The following CEPT1 variants were observed in gnomAD, a reference collection of about 807,000 sequenced individuals.
The protein encoded by CEPT1 is choline/ethanolamine phosphotransferase 1.
In CEPT1, 7 loss-of-function variants were observed where a neutral mutation model predicts 42.6. The ratio of observed to expected loss-of-function variants is 0.16; its 90% CI spans 0.09 to 0.31. CEPT1 has a LOEUF of 0.31. Ranked by LOEUF, CEPT1 falls within the 10% of genes least tolerant of loss-of-function variation. The probability of loss-of-function intolerance (pLI) is 1.00; values close to 1 mark genes in which losing one functional copy is unlikely to be tolerated. For missense variants in CEPT1, 306 were observed against 502.1 expected (o/e 0.61, Z 3.73); for synonymous variants, 171 against 171.9 (o/e 0.99, Z 0.04).
chr1:111,163,797 G>A (rs1269038319), intron 4 of CEPT1, among the ~76,000 whole-genome samples: 1 of 152,118 alleles, frequency 6.6e-6, no homozygotes, highest in Admixed American at 6.5e-5. Context: ...AATTTATTTT[G>A]CTTAATAAGG....
chr1:111,144,989 T>C (rs1353066192), intron 1 of CEPT1, among the ~76,000 whole-genome samples: 1 of 152,178 alleles, frequency 6.6e-6, no homozygotes, highest in Non-Finnish European at 1.5e-5. Flanking sequence ...AGAAATTAGC[T>C]TTGATTTCTC....
chr1:111,159,831 G>A (rs1655777824), intron 3 of CEPT1: 1 of 198,746 alleles, frequency 5.0e-6, no homozygotes, highest in South Asian at 9.9e-5. Context: ...ACAGTGGTGG[G>A]AGACTAGTTA....
intron 2 of CEPT1, among the ~76,000 whole-genome samples, chr1:111,157,349 A>G (rs1188551825): frequency 2.0e-5 from 3 of 152,268 alleles, no homozygotes; most frequent in Non-Finnish European, 2.9e-5. Flanking sequence ...GGTATTCAGC[A>G]GAATTTTCTA....
Position 111,144,682 on chromosome 1 carries a change from C to A in CEPT1, c.-73-2960C>A, listed in dbSNP as rs528590619. ...GCTAGCACTCATCTTTTTTTCTTTA[C>A]AGTAAGAGAATAGAATACTGCAACA... On this transcript the variant is annotated intron_variant, in intron 1 of 8. Transcript: ENST00000357172. Among the ~76,000 whole-genome samples, 21 of 152,198 alleles carry A rather than the reference C, an allele frequency of 1.4e-4. No homozygotes were observed. The South Asian group carries it at 4.4e-3, about 32-fold the overall frequency.
chr1:111,149,280 T>TTTTTTTTTTTTTTTTTTA (rs1246054998), intron 2 of CEPT1, among the ~76,000 whole-genome samples: 1 of 151,412 alleles, frequency 6.6e-6, no homozygotes, highest in African/African-American at 2.4e-5. Context: ...TTTTTTTTTT[T>TTTTTTTTTTTTTTTTTTA]GAGACAGGGT....
At chr1:111,164,147 A>G (rs1656014059) in intron 4 of CEPT1, among the ~76,000 whole-genome samples, 1 of 152,232 alleles carries the variant, frequency 6.6e-6, no homozygotes, top group Admixed American at 6.5e-5. Flanking sequence ...TTGAACAAAA[A>G]TAGTCACAGG....
At position 111,184,847 on chromosome 1, in the gene CEPT1, CTTTTTTTTT is replaced by C. The variant is rs34173256; in HGVS notation, c.*551_*559del. On this transcript the variant is annotated 3_prime_UTR_variant, in exon 9 of 9. Coordinates refer to ENST00000357172, the MANE Select transcript of CEPT1 (RefSeq NM_006090.5). ...CTATCTTTACATTGTTGAGGAAGTC[CTTTTTTTTT>C]TTTTTTTTTTTTTAATTGCTCAAGA... The C allele has an allele frequency of 8.6e-6, 1 of 116,500 alleles. No individual in the cohort carries two copies. Among genetic ancestry groups the C allele is most frequent in the Non-Finnish European group, 1.8e-5 (1 of 56,430 alleles). The allele number at this position is 116,500 out of a possible 1,614,324, so 7.2% of individuals were successfully genotyped here.
chr1:111,182,103 T>C, intron 5 of CEPT1, 84 bp from the exon 6 acceptor site: 3 of 1,106,348 alleles, frequency 2.7e-6, no homozygotes, highest in Non-Finnish European at 3.8e-6. Flanking sequence ...TGGAAAGTTT[T>C]TGGGAATATG....
At chr1:111,183,183 C>T (rs148455686) in intron 7 of CEPT1, among the ~76,000 whole-genome samples, 2 of 152,286 alleles carry the variant, frequency 1.3e-5, no homozygotes, top group Non-Finnish European at 2.9e-5. Flanking sequence ...CTTTTATCCA[C>T]TGTTTAATTT....
intron 1 of CEPT1, among the ~76,000 whole-genome samples, chr1:111,142,447 T>G (rs542678633): frequency 2.6e-5 from 4 of 152,310 alleles, no homozygotes; most frequent in South Asian, 4.1e-4. Context: ...AACCACTAAG[T>G]GTTTATTAAA....
At chr1:111,182,769 A>G in intron 6 of CEPT1, 30 bp from the exon 7 acceptor site, 1 of 1,583,246 alleles carries the variant, frequency 6.3e-7, no homozygotes, top group Non-Finnish European at 8.6e-7. Context: ...AGTACTGAAT[A>G]CTATTAACTC....
intron 2 of CEPT1, among the ~76,000 whole-genome samples, chr1:111,155,071 A>G (rs761131157): frequency 2.0e-5 from 3 of 152,108 alleles, no homozygotes; most frequent in Admixed American, 6.5e-5. Context: ...TAGTTCTTTA[A>G]AAGTTTGGTA....
At chr1:111,146,080 C>CT (rs78721621) in intron 1 of CEPT1, among the ~76,000 whole-genome samples, 2,762 of 137,508 alleles carry the variant, frequency 0.02, 86 homozygotes, top group African/African-American at 0.066. Context: ...AAGATTCTTT[C>CT]TTTTTTTTTT....
At chr1:111,183,404 G>A (rs2243393) in intron 7 of CEPT1, 58 bp from the exon 8 acceptor site, 624,685 of 1,568,468 alleles carry the variant, frequency 0.4, 129,704 homozygotes, top group Admixed American at 0.62. Flanking sequence ...ATGATTTACT[G>A]TGTAGTTCAC....
chr1:111,162,811 A>G (rs1655938020), intron 4 of CEPT1, among the ~76,000 whole-genome samples: 1 of 152,218 alleles, frequency 6.6e-6, no homozygotes. Context: ...ACTGTAGGGG[A>G]TAAGAAGTGA....
intron 1 of CEPT1, among the ~76,000 whole-genome samples, chr1:111,144,464 C>A (rs987793713): frequency 6.6e-6 from 1 of 152,002 alleles, no homozygotes; most frequent in South Asian, 2.1e-4. Flanking sequence ...AAATTTGTAC[C>A]GTGGGCTAGA....
chr1:111,161,357 T>C lies in CEPT1; in HGVS notation c.629+61T>C, dbSNP rs1655860151. 10 of 1,462,282 alleles carry C rather than the reference T, an allele frequency of 6.8e-6. No individual in the cohort carries two copies. In the East Asian group the frequency reaches 2.3e-4, roughly 34 times the overall value. The allele number at this position is 1,462,282 out of a possible 1,614,324, so 90.6% of individuals were successfully genotyped here. On this transcript the variant is annotated intron_variant, in intron 4 of 8. Transcript: ENST00000357172. ...TTCACATATGGAGAATGTTGCCTTA[T>C]AAGTATTTGAGTATTAGAAATTGAT...
chr1:111,142,848 A>T (rs1349752210), intron 1 of CEPT1, among the ~76,000 whole-genome samples: 1 of 152,182 alleles, frequency 6.6e-6, no homozygotes, highest in Admixed American at 6.5e-5. Context: ...CTTTAAAGGG[A>T]GCAGAGCACT....
intron 2 of CEPT1, among the ~76,000 whole-genome samples, chr1:111,155,784 C>T (rs998332431): frequency 4.6e-5 from 7 of 152,130 alleles, no homozygotes; most frequent in African/African-American, 1.4e-4. Context: ...GTGATCTGCC[C>T]GCCTTGGCCT....
Sources: allele counts gnomAD v4.1 joint callset (sites outside exome capture counted in the v4.1 genomes callset), GRCh38; gene constraint gnomAD v4.1.1; transcripts MANE v1.5; gene names NCBI Gene and HGNC (gene_info 2026-07-23, HGNC 2026-07-21).